HCN1: variants seen among roughly 807,000 people sequenced by gnomAD.
HCN1 encodes hyperpolarization activated cyclic nucleotide gated potassium channel 1.
Under a neutral mutation model 78.9 loss-of-function variants are expected in HCN1, and 13 were observed. That is an observed-to-expected ratio of 0.16 (90% CI 0.11 to 0.26). The LOEUF (loss-of-function observed/expected upper bound fraction) is 0.26. HCN1 is among the 10% of genes least tolerant of loss of function. The pLI is 1.00. For synonymous variants in HCN1, 552 were observed against 455.5 expected (o/e 1.21, Z -2.70); for missense variants, 810 against 1,154.3 (o/e 0.70, Z 4.32).
intron 4 of HCN1, among the ~76,000 whole-genome samples, chr5:45,381,255 C>A (rs1384268122): frequency 6.6e-6 from 1 of 152,012 alleles, no homozygotes; most frequent in East Asian, 1.9e-4. Flanking sequence ...TTTGAACCAG[C>A]AGAAACCTAT....
At chr5:45,427,503 G>T (rs1480461055) in intron 3 of HCN1, among the ~76,000 whole-genome samples, 2 of 152,016 alleles carry the variant, frequency 1.3e-5, no homozygotes, top group Non-Finnish European at 2.9e-5. Flanking sequence ...TCCAAAATCT[G>T]TTCAATCTCT....
chr5:45,280,368 C>T (rs753913809), intron 6 of HCN1, among the ~76,000 whole-genome samples: 1 of 152,114 alleles, frequency 6.6e-6, no homozygotes, highest in South Asian at 2.1e-4. Context: ...CATCTGAATG[C>T]TATTTGACTA....
At chr5:45,523,951 A>G (rs2111786222) in intron 2 of HCN1, among the ~76,000 whole-genome samples, 1 of 152,222 alleles carries the variant, frequency 6.6e-6, no homozygotes, top group East Asian at 1.9e-4. Context: ...TATGTCCTGA[A>G]TGGTATTGCC....
chr5:45,558,411 T>C (rs1743520680), intron 2 of HCN1: 1 of 152,180 alleles, frequency 6.6e-6, no homozygotes, highest in South Asian at 2.1e-4. Context: ...CAGATGTTGA[T>C]GTAGAAACTG....
intron 6 of HCN1, among the ~76,000 whole-genome samples, chr5:45,296,041 C>T (rs1303577952): frequency 6.6e-6 from 1 of 151,962 alleles, no homozygotes; most frequent in Non-Finnish European, 1.5e-5. Flanking sequence ...AAGGCTTGTG[C>T]TTCTGGTACC....
At chr5:45,674,051 A>T (rs1746216100) in intron 1 of HCN1, among the ~76,000 whole-genome samples, 1 of 151,522 alleles carries the variant, frequency 6.6e-6, no homozygotes, top group Non-Finnish European at 1.5e-5. Context: ...AAAACCTTTT[A>T]GTTATTATAC....
chr5:45,669,520 T>C (rs1746110125), intron 1 of HCN1, among the ~76,000 whole-genome samples: 1 of 151,768 alleles, frequency 6.6e-6, no homozygotes, highest in Non-Finnish European at 1.5e-5. Context: ...GCTTTAGGAA[T>C]TGTATAGATT....
chr5:45,315,419 G>A (rs188754425), intron 5 of HCN1, among the ~76,000 whole-genome samples: 1 of 152,300 alleles, frequency 6.6e-6, no homozygotes, highest in Non-Finnish European at 1.5e-5. Context: ...AAAGCAGTGT[G>A]TAGAGGGAAA....
At chr5:45,601,606 TTTTTGATATTTG>T (rs1392114250) in intron 2 of HCN1, among the ~76,000 whole-genome samples, 1 of 152,168 alleles carries the variant, frequency 6.6e-6, no homozygotes, top group Non-Finnish European at 1.5e-5. Flanking sequence ...GTACACGGAC[TTTTTGATATTTG>T]TTTTGGCTGC....
rs1274145584 is a variant in HCN1, at chr5:45,260,324, C to T, written c.*1597G>A. 1 of 152,190 alleles carries T rather than the reference C, an allele frequency of 6.6e-6. No individual in the cohort carries two copies. Among genetic ancestry groups the T allele is most frequent in the South Asian group, 2.1e-4 (1 of 4,832 alleles). The allele number at this position is 152,190 out of a possible 1,614,324, so 9.4% of individuals were successfully genotyped here. A position where few individuals can be genotyped will look rare whatever the true frequency, so the allele number is the denominator to read the frequency against. The stretch of plus-strand genomic sequence containing the variant: ...TCAATTGTGTTCCAGTCATACTCCA[C>T]ATGTGTGGGATGCATTAGGCACAAA... On this transcript the variant is annotated 3_prime_UTR_variant, in exon 8 of 8. Transcript: ENST00000303230.
chr5:45,275,987 A>G (rs548231296), intron 6 of HCN1, among the ~76,000 whole-genome samples: 4 of 152,156 alleles, frequency 2.6e-5, no homozygotes, highest in Admixed American at 6.6e-5. Flanking sequence ...AAAATTCATC[A>G]AATGATTTTT....
In HCN1 at chr5:45,368,672, G is replaced by T. The variant is rs1039239819; in HGVS notation, c.1231-15426C>A. Among the ~76,000 whole-genome samples, 4 of 151,764 alleles carry T rather than the reference G, an allele frequency of 2.6e-5. No individual in the cohort carries two copies. The South Asian group carries it at 6.2e-4, about 24-fold the overall frequency. ...GTGTACTGAAGATTTAACATTTAAC[G>T]CATCCAAAGCTGAAATCCTTCATCA... On this transcript the variant is annotated intron_variant, in intron 4 of 7. Coordinates refer to ENST00000303230, the MANE Select transcript of HCN1 (RefSeq NM_021072.4).
chr5:45,345,745 G>A (rs977344673), intron 5 of HCN1, among the ~76,000 whole-genome samples: 8 of 152,160 alleles, frequency 5.3e-5, no homozygotes, highest in Admixed American at 4.6e-4. Context: ...AAGTCTCTAG[G>A]AAGTTCCAAA....
intron 2 of HCN1, among the ~76,000 whole-genome samples, chr5:45,578,009 T>C (rs1007977774): frequency 1.3e-5 from 2 of 152,056 alleles, no homozygotes; most frequent in Non-Finnish European, 2.9e-5. Context: ...ACAGTAGTGA[T>C]GAGACTTACA....
At chr5:45,556,720 C>T (rs1243501683) in intron 2 of HCN1, among the ~76,000 whole-genome samples, 5 of 151,964 alleles carry the variant, frequency 3.3e-5, no homozygotes, top group African/African-American at 4.8e-5. Context: ...CTCAAACTCT[C>T]TAATGCACTG....
At chr5:45,430,929 T>C (rs562177535) in intron 3 of HCN1, among the ~76,000 whole-genome samples, 2 of 152,344 alleles carry the variant, frequency 1.3e-5, no homozygotes, top group African/African-American at 4.8e-5. Context: ...GTCTTTATGA[T>C]ACAATGATTT....
intron 6 of HCN1, among the ~76,000 whole-genome samples, chr5:45,276,504 A>G (rs1001683861): frequency 6.6e-6 from 1 of 152,114 alleles, no homozygotes; most frequent in Non-Finnish European, 1.5e-5. Flanking sequence ...TATAATTTAA[A>G]AAGAGTTCCT....
intron 3 of HCN1, among the ~76,000 whole-genome samples, chr5:45,434,549 T>A (rs550688488): frequency 1.3e-5 from 2 of 152,198 alleles, no homozygotes; most frequent in African/African-American, 4.8e-5. Context: ...TGACATTTTT[T>A]AGAATAAATT....
intron 4 of HCN1, among the ~76,000 whole-genome samples, chr5:45,375,482 TTA>T (rs1160299529): frequency 1.2e-5 from 1 of 85,652 alleles, no homozygotes; most frequent in Non-Finnish European, 1.9e-5. Context: ...AGATCATATT[TTA>T]TGATACATAT....
Sources: allele counts gnomAD v4.1 joint callset (sites outside exome capture counted in the v4.1 genomes callset), GRCh38; gene constraint gnomAD v4.1.1; transcripts MANE v1.5; gene names NCBI Gene and HGNC (gene_info 2026-07-23, HGNC 2026-07-21).